The following CAB39 variants were observed in gnomAD, a reference collection of about 807,000 sequenced individuals.
CAB39 encodes the protein calcium-binding protein 39.
Under a neutral mutation model 40.0 loss-of-function variants are expected in CAB39, and 8 were observed. The observed-to-expected ratio is 0.20, with a 90% CI of 0.12 to 0.36. CAB39 has a LOEUF of 0.36. Among genes scored for constraint, CAB39 ranks in the 10% least tolerant of loss-of-function variants. CAB39 has a pLI of 1.00. For synonymous variants in CAB39, 156 were observed against 141.6 expected, an observed-to-expected ratio of 1.10 and a Z score of -0.72; for missense variants, 270 against 401.1, an observed-to-expected ratio of 0.67 and a Z score of 2.79.
chr2:230,764,644 A>C (rs1245440295), intron 2 of CAB39, among the ~76,000 whole-genome samples: 4 of 152,220 alleles, frequency 2.6e-5, no homozygotes, highest in African/African-American at 9.6e-5. Context: ...TTCATGATCT[A>C]GTCAAATTTC....
In CAB39 at chr2:230,760,044, A is replaced by G. The variant is rs1445978042; in HGVS notation, c.43A>G (p.Ile15Val). 6 of 1,613,834 alleles carry G rather than the reference A, an allele frequency of 3.7e-6. No individual in the cohort carries two copies. Among genetic ancestry groups the G allele is most frequent in the South Asian group, 1.1e-5 (1 of 91,076 alleles). ...GAAGTCTCACAAATCTCCAGCAGAC[A>G]TTGTGAAGAATCTGAAGGAGAGCAT... ...FGKSHKSPAD[I>V]VKNLKESMAV... The change falls in exon 2 of 9, where the codon ATT (isoleucine) becomes GTT (valine). Residue 15 changes from isoleucine (I) to valine (V), a missense_variant. By Grantham distance (29) the Ile-to-Val change is conservative. Coordinates refer to ENST00000258418, the MANE Select transcript of CAB39 (RefSeq NM_016289.4).
intron 5 of CAB39, among the ~76,000 whole-genome samples, chr2:230,804,785 T>C (rs1015815615): frequency 3.9e-5 from 6 of 152,192 alleles, no homozygotes; most frequent in Non-Finnish European, 8.8e-5. Context: ...AGGGACACTT[T>C]TACACTGTTG....
At chr2:230,782,518 A>G (rs975795936) in intron 2 of CAB39, among the ~76,000 whole-genome samples, 1 of 152,044 alleles carries the variant, frequency 6.6e-6, no homozygotes, top group African/African-American at 2.4e-5. Flanking sequence ...GAGAAAAAAT[A>G]TTCAAGCAAG....
intron 4 of CAB39, among the ~76,000 whole-genome samples, 156 bp downstream of exon 4, chr2:230,793,487 C>T (rs1486457062): frequency 6.6e-6 from 1 of 152,120 alleles, no homozygotes; most frequent in East Asian, 1.9e-4. Flanking sequence ...TGAAATTCAA[C>T]TTGTGAGCTA....
chr2:230,746,768 A>G (rs1451390799), intron 1 of CAB39, among the ~76,000 whole-genome samples: 1 of 152,086 alleles, frequency 6.6e-6, no homozygotes, highest in Non-Finnish European at 1.5e-5. Context: ...TTATTTATGT[A>G]TCATTTCTGT....
At chr2:230,810,395 G>T in intron 6 of CAB39, 73 bp downstream of exon 6, 1 of 585,672 alleles carries the variant, frequency 1.7e-6, no homozygotes, top group East Asian at 3.2e-5. Context: ...ACTTACATTA[G>T]GTTTTTGTAC....
intron 5 of CAB39, among the ~76,000 whole-genome samples, chr2:230,800,539 C>T (rs16827567): frequency 0.015 from 2,258 of 152,258 alleles, 55 homozygotes; most frequent in African/African-American, 0.045. Context: ...TATAATGCAT[C>T]GGTGGAAGGG....
chr2:230,820,373 T>C lies in CAB39; in HGVS notation c.*1669T>C, dbSNP rs548959598. The C allele has an allele frequency of 6.6e-6, 1 of 152,282 alleles. No homozygotes were observed. Among genetic ancestry groups the C allele is most frequent in the Non-Finnish European group, 1.5e-5 (1 of 68,026 alleles). The allele number at this position is 152,282 out of a possible 1,614,324, so 9.4% of individuals were successfully genotyped here. A position where few individuals can be genotyped will look rare whatever the true frequency, so the allele number is the denominator to read the frequency against. On this transcript the variant is annotated 3_prime_UTR_variant, in exon 9 of 9. Transcript: ENST00000258418. The stretch of plus-strand genomic sequence containing the variant: ...GTTAGGAAAATAGCTCCAGAAAATA[T>C]AGATATATTTTATTTTTATTAAAAT...
At chr2:230,809,086 G>A (rs1205879292) in intron 5 of CAB39, among the ~76,000 whole-genome samples, 8 of 152,182 alleles carry the variant, frequency 5.3e-5, no homozygotes, top group African/African-American at 9.7e-5. Context: ...GTTGAGGTCC[G>A]AAAGACGAAC....
At chr2:230,814,154 T>G in intron 7 of CAB39, 40 bp downstream of exon 7, 1 of 990,014 alleles carries the variant, frequency 1.0e-6, no homozygotes, top group Non-Finnish European at 1.5e-6. Flanking sequence ...TCTCTGTACC[T>G]TGTGTTTGAA....
At chr2:230,778,589 A>G (rs1421516498) in intron 2 of CAB39, among the ~76,000 whole-genome samples, 1 of 152,186 alleles carries the variant, frequency 6.6e-6, no homozygotes, top group African/African-American at 2.4e-5. Flanking sequence ...TGTTTAGCTT[A>G]CTAATTGCTT....
At chr2:230,804,724 G>A (rs1046006754) in intron 5 of CAB39, among the ~76,000 whole-genome samples, 12 of 152,230 alleles carry the variant, frequency 7.9e-5, no homozygotes, top group Middle Eastern at 3.4e-3. Context: ...TTAGAATGGC[G>A]ATCATTAAAA....
intron 1 of CAB39, among the ~76,000 whole-genome samples, chr2:230,749,033 G>T (rs1242837195): frequency 1.4e-5 from 2 of 146,022 alleles, no homozygotes; most frequent in African/African-American, 5.0e-5. Context: ...CCAATTGTTG[G>T]AGTGTTGCAT....
intron 1 of CAB39, among the ~76,000 whole-genome samples, chr2:230,742,558 C>CA (rs112074993): frequency 0.079 from 4,748 of 59,896 alleles, 137 homozygotes; most frequent in Admixed American, 0.15. Flanking sequence ...AACATATTTG[C>CA]AAAAAAAAAA....
At chr2:230,783,562 C>T (rs115200832) in intron 2 of CAB39, among the ~76,000 whole-genome samples, 2,812 of 151,680 alleles carry the variant, frequency 0.019, 88 homozygotes, top group African/African-American at 0.064. Flanking sequence ...CTCAGTTCAA[C>T]CTCTGCACCA....
intron 2 of CAB39, among the ~76,000 whole-genome samples, chr2:230,769,055 T>C (rs1420680682): frequency 6.6e-6 from 1 of 151,950 alleles, no homozygotes; most frequent in East Asian, 1.9e-4. Flanking sequence ...GTAAGAAGAA[T>C]GGAAAAAGAT....
chr2:230,770,851 A>T (rs977215972), intron 2 of CAB39, among the ~76,000 whole-genome samples: 1 of 152,196 alleles, frequency 6.6e-6, no homozygotes, highest in Non-Finnish European at 1.5e-5. Flanking sequence ...TGATAAAAAA[A>T]ATAATCTCAG....
intron 1 of CAB39, among the ~76,000 whole-genome samples, chr2:230,757,529 T>C (rs527484643): frequency 3.9e-5 from 6 of 152,320 alleles, no homozygotes. Flanking sequence ...ATATGTGTTC[T>C]TTTTGGTGGC....
intron 1 of CAB39, among the ~76,000 whole-genome samples, chr2:230,738,925 T>A (rs369357127): frequency 6.6e-6 from 1 of 152,348 alleles, no homozygotes; most frequent in East Asian, 1.9e-4. Context: ...AAACTAAAAA[T>A]CATTTCACCA....
Sources: allele counts gnomAD v4.1 joint callset (sites outside exome capture counted in the v4.1 genomes callset), GRCh38; gene constraint gnomAD v4.1.1; transcripts MANE v1.5; gene names NCBI Gene and HGNC (gene_info 2026-07-23, HGNC 2026-07-21).